Variants in CFAP74 observed in about 807,000 individuals in gnomAD.
CFAP74 encodes the protein cilia and flagella associated protein 74, also known as cilia- and flagella-associated protein 74.
Under a neutral mutation model 188.9 loss-of-function variants are expected in CFAP74, and 124 were observed. That is an observed-to-expected ratio of 0.66 (90% CI 0.57 to 0.76). The LOEUF (loss-of-function observed/expected upper bound fraction) is 0.76, where lower values mean the gene tolerates loss of function less well. Among genes scored for constraint, CFAP74 ranks in the 30% least tolerant of loss-of-function variants. The probability of loss-of-function intolerance (pLI) is 0.00; values close to 1 mark genes in which losing one functional copy is unlikely to be tolerated. For synonymous variants in CFAP74, 956 were observed against 916.7 expected (o/e 1.04, Z -0.77); for missense variants, 2,198 against 2,165.2 (o/e 1.02, Z -0.30).
chr1:1,953,762 C>T lies in CFAP74; in HGVS notation c.2176+1929G>A, dbSNP rs28407610. On this transcript the variant is annotated intron_variant, in intron 18 of 38. Transcript: ENST00000682832. Reference sequence around the variant, plus strand: ...TGGATCATACACCTCAACACAAAAGCGATGTCCTATGTCTTTATGACCCTG... The same window carrying T: ...TGGATCATACACCTCAACACAAAAGTGATGTCCTATGTCTTTATGACCCTG... 6 of 153,604 alleles carry T rather than the reference C, an allele frequency of 3.9e-5. No individual in the cohort carries two copies. The South Asian group carries it at 6.2e-4, about 16-fold the overall frequency. The allele number at this position is 153,604 out of a possible 1,614,324, so 9.5% of individuals were successfully genotyped here.
At chr1:1,971,296 C>T (rs1395141646) in intron 9 of CFAP74, among the ~76,000 whole-genome samples, 3 of 149,780 alleles carry the variant, frequency 2.0e-5, no homozygotes, top group Non-Finnish European at 4.4e-5. Context: ...TGCACATACA[C>T]GCTCACACAT....
At chr1:1,977,287 T>C (rs564598966) in intron 6 of CFAP74, among the ~76,000 whole-genome samples, 4 of 152,232 alleles carry the variant, frequency 2.6e-5, no homozygotes, top group African/African-American at 7.2e-5. Flanking sequence ...TTGGGAAAGA[T>C]TGGGATTTTG....
At position 1,923,549 on chromosome 1, in the gene CFAP74, G is replaced by T; in HGVS notation, c.4390-50C>A. The T allele has an allele frequency of 6.3e-7, 1 of 1,588,440 alleles. No individual in the cohort carries two copies. On this transcript the variant is annotated intron_variant, in intron 35 of 38. Transcript: ENST00000682832. The surrounding 1 kb of genome is among the most constrained non-coding windows in gnomAD (Gnocchi z 6.3). ...TTGTCCCCGAAGCTCGGCGGCAGGGGTCCTGCTGGTGAGAGCTGGGCTGGC... is the reference window on the plus strand; with the variant it reads ...TTGTCCCCGAAGCTCGGCGGCAGGGTTCCTGCTGGTGAGAGCTGGGCTGGC...
In CFAP74 at chr1:1,968,899, C is replaced by T. The variant is rs1294251674; in HGVS notation, c.1047-66G>A. ...TGCCTCCACCTTGCCCCAGATGAGA[C>T]AGTGCCCGGCGGCCCCTCCCTAGCG... On this transcript the variant is annotated intron_variant, in intron 10 of 38. Coordinates refer to ENST00000682832, the MANE Select transcript of CFAP74 (RefSeq NM_001304360.2). The surrounding 1 kb of genome is among the most constrained non-coding windows in gnomAD (Gnocchi z 4.3). 6.9e-5 allele frequency: 104 copies of T among 1,504,384 alleles called. 1 individual carries two copies. Among genetic ancestry groups the T allele is most frequent in the Non-Finnish European group, 8.9e-5 (98 of 1,095,394 alleles). The allele number at this position is 1,504,384 out of a possible 1,614,324, so 93.2% of individuals were successfully genotyped here.
chr1:1,969,318 C>T (rs1655742817), intron 10 of CFAP74, among the ~76,000 whole-genome samples: 1 of 144,264 alleles, frequency 6.9e-6, no homozygotes, highest in African/African-American at 2.6e-5. Context: ...CTGCACTGCC[C>T]AGCCCTGCCT....
chr1:1,981,907 G>T (rs1368728265), intron 6 of CFAP74, among the ~76,000 whole-genome samples: 1 of 95,920 alleles, frequency 1.0e-5, no homozygotes, highest in South Asian at 4.3e-4. Flanking sequence ...ACAGACACGG[G>T]GGCACGCAGG....
In CFAP74 at chr1:1,942,246, A is replaced by T; in HGVS notation, c.2487-90T>A. The T allele has an allele frequency of 7.6e-7, 1 of 1,312,396 alleles. No individual in the cohort carries two copies. Among genetic ancestry groups the T allele is most frequent in the Non-Finnish European group, 9.8e-7 (1 of 1,016,254 alleles). 81.3% of individuals were successfully genotyped at this position (1,312,396 alleles called of 1,614,324 possible). A position where few individuals can be genotyped will look rare whatever the true frequency, so the allele number is the denominator to read the frequency against. On this transcript the variant is annotated intron_variant, in intron 21 of 38. Coordinates refer to ENST00000682832, the MANE Select transcript of CFAP74 (RefSeq NM_001304360.2). The surrounding 1 kb of genome is among the most constrained non-coding windows in gnomAD (Gnocchi z 4.3). ...CTGGAGTTATTAAAACATTTCTGGC[A>T]CCCAAGCCCCCGAGAGGTGCTCAGA...
In CFAP74 at chr1:1,992,432, TG is replaced by T. The variant is rs367665112; in HGVS notation, c.-19-1458del. On this transcript the variant is annotated intron_variant, in intron 1 of 38. Transcript: ENST00000682832. ...ATTCACCCACCTCAACCTCCCAAAG[TG>T]CTGGGATTACAAGCTTGAGCCACTA... 3.7e-3 allele frequency among the ~76,000 whole-genome samples: 556 copies of T among 152,094 alleles called. 5 individuals are homozygous for T. Among genetic ancestry groups the T allele is most frequent in the African/African-American group, 0.013 (526 of 41,484 alleles).
At chr1:1,940,563 A>G (rs1653298656) in intron 22 of CFAP74, among the ~76,000 whole-genome samples, 160 bp from the exon 23 acceptor site, 1 of 152,238 alleles carries the variant, frequency 6.6e-6, no homozygotes, top group Non-Finnish European at 1.5e-5. Flanking sequence ...GCTCTCGCAC[A>G]GAACCCACGA....
rs1297961269 is a variant in CFAP74 at position 1,999,435 on chromosome 1, C to A, written c.-20+4266G>T. Reference sequence around the variant, plus strand: ...AGTCGATGGGGGGTGGGAATGGAGCCTTGTTACTTCAGAATTTCTCAAATA... The same window carrying A: ...AGTCGATGGGGGGTGGGAATGGAGCATTGTTACTTCAGAATTTCTCAAATA... On this transcript the variant is annotated intron_variant, in intron 1 of 38. Transcript: ENST00000682832. Among the ~76,000 whole-genome samples the A allele has an allele frequency of 2.0e-5, 3 of 152,110 alleles. No individual in the cohort carries two copies. In the East Asian group the frequency reaches 5.8e-4, roughly 29 times the overall value.
Position 1,950,336 on chromosome 1 carries a change from A to T in CFAP74, c.2177-3282T>A, listed in dbSNP as rs543311270. Among the ~76,000 whole-genome samples, 1,302 of 134,670 alleles carry T rather than the reference A, an allele frequency of 9.7e-3. 19 individuals are homozygous for T. The highest frequency in any genetic ancestry group is 0.03 in the Middle Eastern group (8 of 270). The allele number at this position is 134,670 out of a possible 152,430, so 88.3% of individuals were successfully genotyped here. On this transcript the variant is annotated intron_variant, in intron 18 of 38. Coordinates refer to ENST00000682832, the MANE Select transcript of CFAP74 (RefSeq NM_001304360.2). ...GAAGCATCTGTTCAGTCTTTTGCCC[A>T]TTTTTTTTTTTTTTTTGAGATGGAG...
intron 1 of CFAP74, among the ~76,000 whole-genome samples, chr1:1,999,940 C>A (rs577906923): frequency 6.6e-6 from 1 of 151,776 alleles, no homozygotes; most frequent in Non-Finnish European, 1.5e-5. Flanking sequence ...CTGAGGCGGG[C>A]GGATCATGAG....
chr1:1,990,858 A>C, intron 2 of CFAP74, 32 bp downstream of exon 2: 3 of 1,578,056 alleles, frequency 1.9e-6, no homozygotes, highest in Non-Finnish European at 2.6e-6. Flanking sequence ...TTTTTGCTGA[A>C]ACTTCCGTTA....
chr1:1,996,077 C>T (rs768448289), intron 1 of CFAP74, among the ~76,000 whole-genome samples: 30 of 152,022 alleles, frequency 2.0e-4, no homozygotes, highest in Non-Finnish European at 3.4e-4. Flanking sequence ...CTCTGCCTCC[C>T]GGAGTCAAGC....
rs1027957626 is a variant in CFAP74, at chr1:1,975,158, C to G, written c.501-960G>C. Among the ~76,000 whole-genome samples the G allele has an allele frequency of 1.3e-5, 2 of 152,230 alleles. No individual in the cohort carries two copies. The highest frequency in any genetic ancestry group is 2.9e-5 in the Non-Finnish European group (2 of 68,042). ...TCATGTTCATTTCCACTTCGTCTTTCGTTAAAAGCTTTTCCTGTGGAGCCG... is the reference window on the plus strand; with the variant it reads ...TCATGTTCATTTCCACTTCGTCTTTGGTTAAAAGCTTTTCCTGTGGAGCCG... On this transcript the variant is annotated intron_variant, in intron 6 of 38. Transcript: ENST00000682832. This position sits in a 1 kb window ranked among gnomAD's most constrained non-coding sequence, Gnocchi z 4.5.
intron 1 of CFAP74, among the ~76,000 whole-genome samples, chr1:1,997,301 A>C (rs1657969403): frequency 6.6e-6 from 1 of 151,818 alleles, no homozygotes; most frequent in Non-Finnish European, 1.5e-5. Flanking sequence ...GCACGCCTGT[A>C]ATCCCAGCTA....
chr1:1,954,814 C>T, intron 18 of CFAP74: 5 of 1,124,046 alleles, frequency 4.4e-6, no homozygotes, highest in Non-Finnish European at 4.4e-6. Context: ...TTAGCTGATG[C>T]CAGTGAGGCT....
At position 1,946,895 on chromosome 1, in the gene CFAP74, A is replaced by G. The variant is rs76232499; in HGVS notation, c.2241+95T>C. The G allele has an allele frequency of 8.1e-3, 7,747 of 951,424 alleles. 353 individuals are homozygous for G. The African/African-American group carries it at 0.11, about 13-fold the overall frequency. The allele number at this position is 951,424 out of a possible 1,614,324, so 58.9% of individuals were successfully genotyped here. A position where few individuals can be genotyped will look rare whatever the true frequency, so the allele number is the denominator to read the frequency against. Reference sequence around the variant, plus strand: ...TGGTCAAACGCAAGGGCCACCTAGCAGTGAGGGCCAGTGGGTTGGGGTGCA... The same window carrying G: ...TGGTCAAACGCAAGGGCCACCTAGCGGTGAGGGCCAGTGGGTTGGGGTGCA... On this transcript the variant is annotated intron_variant, in intron 19 of 38. Coordinates refer to ENST00000682832, the MANE Select transcript of CFAP74 (RefSeq NM_001304360.2).
rs570145670 is a variant in CFAP74 at position 2,003,667 on chromosome 1, C to T, written c.-20+34G>A. The T allele has an allele frequency of 2.0e-5, 3 of 152,222 alleles. No individual in the cohort carries two copies. In the South Asian group the frequency reaches 6.2e-4, roughly 32 times the overall value. 9.4% of individuals were successfully genotyped at this position (152,222 alleles called of 1,614,324 possible). A position where few individuals can be genotyped will look rare whatever the true frequency, so the allele number is the denominator to read the frequency against. On this transcript the variant is annotated intron_variant, in intron 1 of 38. Transcript: ENST00000682832. The stretch of plus-strand genomic sequence containing the variant: ...CGGGGGTCAAACCCTTCCAGCTCAG[C>T]CCCAGGGTCAAACGCATCCGCCCCC...
Sources: allele counts gnomAD v4.1 joint callset (sites outside exome capture counted in the v4.1 genomes callset), GRCh38; gene constraint gnomAD v4.1.1; non-coding constraint Gnocchi (gnomAD v3.1); transcripts MANE v1.5; gene names NCBI Gene and HGNC (gene_info 2026-07-23, HGNC 2026-07-21).